Variants in CSMD1 observed in about 807,000 individuals in gnomAD.
The protein encoded by CSMD1 is CUB and Sushi multiple domains 1.
A neutral mutation model predicts 417.5 loss-of-function variants in CSMD1; 213 were observed. The ratio of observed to expected loss-of-function variants is 0.51; its 90% CI spans 0.46 to 0.57. The LOEUF is 0.57. Ranked by LOEUF, CSMD1 falls within the 20% of genes least tolerant of loss-of-function variation. The pLI, the probability that CSMD1 is intolerant of heterozygous loss-of-function variation, is 0.00. For missense variants in CSMD1, 6,923 were observed against 4,529.7 expected (o/e 1.53, Z -15.17); for synonymous variants, 2,862 against 1,736.8 (o/e 1.65, Z -16.11).
intron 7 of CSMD1, among the ~76,000 whole-genome samples, chr8:3,630,793 A>C (rs1417347496): frequency 3.9e-5 from 6 of 152,222 alleles, no homozygotes; most frequent in Non-Finnish European, 8.8e-5. Flanking sequence ...ATAGAAGAAC[A>C]CATCACGATT....
intron 62 of CSMD1, among the ~76,000 whole-genome samples, 186 bp from the exon 63 acceptor site, chr8:2,957,993 G>A (rs1451342114): frequency 1.3e-5 from 2 of 152,226 alleles, no homozygotes; most frequent in African/African-American, 4.8e-5. Context: ...AATGTAGATT[G>A]CTCAATGAAT....
intron 2 of CSMD1, among the ~76,000 whole-genome samples, chr8:4,431,530 A>T (rs1014476293): frequency 6.6e-6 from 1 of 151,516 alleles, no homozygotes. Context: ...ACTTTATAAC[A>T]CCCGACCCTG....
chr8:4,358,271 G>C (rs149097986), intron 3 of CSMD1, among the ~76,000 whole-genome samples: 1 of 152,206 alleles, frequency 6.6e-6, no homozygotes, highest in Non-Finnish European at 1.5e-5. Context: ...TTACCAGTGG[G>C]TGTGGAGCGC....
intron 5 of CSMD1, among the ~76,000 whole-genome samples, chr8:3,997,159 A>G (rs1815281899): frequency 6.6e-6 from 1 of 152,232 alleles, no homozygotes; most frequent in African/African-American, 2.4e-5. Flanking sequence ...CAATAACACA[A>G]TTTTACATGC....
chr8:3,844,374 C>G (rs1471568363), intron 5 of CSMD1, among the ~76,000 whole-genome samples: 1 of 152,124 alleles, frequency 6.6e-6, no homozygotes, highest in Non-Finnish European at 1.5e-5. Context: ...CTGGTAGACA[C>G]ACATACACCT....
intron 10 of CSMD1, among the ~76,000 whole-genome samples, chr8:3,506,108 T>C (rs1040131864): frequency 6.6e-6 from 1 of 152,126 alleles, no homozygotes; most frequent in African/African-American, 2.4e-5. Flanking sequence ...AGGTGTCTCA[T>C]CGGAGGCCAG....
chr8:4,062,076 C>T (rs989189342), intron 3 of CSMD1, among the ~76,000 whole-genome samples: 4 of 151,976 alleles, frequency 2.6e-5, no homozygotes, highest in African/African-American at 9.7e-5. Flanking sequence ...GAGCCAGGTG[C>T]CAGGAGAATG....
intron 6 of CSMD1, among the ~76,000 whole-genome samples, chr8:3,717,167 G>C (rs905791746): frequency 2.0e-5 from 3 of 151,942 alleles, no homozygotes; most frequent in Non-Finnish European, 2.9e-5. Flanking sequence ...TATTTTCGTC[G>C]ATAATTATTA....
intron 3 of CSMD1, among the ~76,000 whole-genome samples, chr8:4,363,098 TATCAGAGACTTC>T (rs934871697): frequency 2.8e-4 from 43 of 152,316 alleles, no homozygotes; most frequent in South Asian, 2.1e-3. Flanking sequence ...TGGATCATAA[TATCAGAGACTTC>T]ATCAGACACT....
chr8:3,490,430 C>G (rs987429594), intron 11 of CSMD1, among the ~76,000 whole-genome samples: 1 of 152,072 alleles, frequency 6.6e-6, no homozygotes, highest in Non-Finnish European at 1.5e-5. Flanking sequence ...GCATTACCTG[C>G]CTGCATTTAT....
chr8:3,518,185 G>A (rs781767503), intron 10 of CSMD1, among the ~76,000 whole-genome samples: 5 of 152,010 alleles, frequency 3.3e-5, no homozygotes, highest in Non-Finnish European at 5.9e-5. Flanking sequence ...GGTTATTAGC[G>A]AACTATGGAC....
At chr8:3,401,141 CTTTTA>C (rs1406691558) in intron 15 of CSMD1, among the ~76,000 whole-genome samples, 1 of 151,674 alleles carries the variant, frequency 6.6e-6, no homozygotes, top group Non-Finnish European at 1.5e-5. Context: ...AAATATATAA[CTTTTA>C]TTTTGTCATG....
intron 1 of CSMD1, among the ~76,000 whole-genome samples, chr8:4,903,979 G>A (rs1042768550): frequency 1.3e-5 from 2 of 152,124 alleles, no homozygotes; most frequent in African/African-American, 4.8e-5. Flanking sequence ...CTCATAAAGT[G>A]TAAAATCATA....
intron 1 of CSMD1, among the ~76,000 whole-genome samples, chr8:4,723,797 A>AAAC (rs1554457688): frequency 2.7e-5 from 4 of 146,468 alleles, no homozygotes; most frequent in East Asian, 2.0e-4. Flanking sequence ...TAAAAAAAAA[A>AAAC]AAACAAAAAA....
chr8:3,911,219 G>C (rs543161457), intron 5 of CSMD1, among the ~76,000 whole-genome samples: 5 of 152,194 alleles, frequency 3.3e-5, no homozygotes, highest in Admixed American at 6.5e-5. Context: ...CATCTCTCTT[G>C]AATGCTCATT....
chr8:4,948,732 A>G (rs1181342290), intron 1 of CSMD1, among the ~76,000 whole-genome samples: 1 of 152,108 alleles, frequency 6.6e-6, no homozygotes, highest in Admixed American at 6.5e-5. Context: ...CATCTGTACC[A>G]TTTAAGAAAA....
At chr8:3,822,879 A>G (rs1271341565) in intron 5 of CSMD1, among the ~76,000 whole-genome samples, 1 of 152,198 alleles carries the variant, frequency 6.6e-6, no homozygotes, top group African/African-American at 2.4e-5. Flanking sequence ...TAGTGTGTCT[A>G]AATGAGAACC....
intron 1 of CSMD1, among the ~76,000 whole-genome samples, chr8:4,749,089 C>T (rs1163852924): frequency 6.6e-6 from 1 of 152,228 alleles, no homozygotes; most frequent in Admixed American, 6.5e-5. Context: ...CTCGCCTGCC[C>T]ATGCAGTCTC....
chr8:3,891,069 G>A (rs191069921), intron 5 of CSMD1, among the ~76,000 whole-genome samples: 1 of 151,496 alleles, frequency 6.6e-6, no homozygotes, highest in African/African-American at 2.4e-5. Context: ...ATTATTTTGA[G>A]ACAGGATCTC....
Sources: gnomAD v4.1 joint callset for allele counts (sites outside exome capture counted in the v4.1 genomes callset) on GRCh38, gnomAD v4.1.1 for gene constraint, MANE v1.5 for transcripts, NCBI Gene and HGNC (gene_info 2026-07-23, HGNC 2026-07-21) for gene names.